ERBB4: variants seen among roughly 807,000 people sequenced by gnomAD.
ERBB4 encodes receptor tyrosine-protein kinase erbB-4.
ERBB4 carries 42 observed loss-of-function variants against 158.0 expected under a neutral mutation model. That is an observed-to-expected ratio of 0.27 (90% CI 0.21 to 0.34). The LOEUF is 0.34. Ranked by LOEUF, ERBB4 falls within the 10% of genes least tolerant of loss-of-function variation. The pLI is 1.00. For synonymous variants in ERBB4, 583 were observed against 558.7 expected, an observed-to-expected ratio of 1.04 and a Z score of -0.61; for missense variants, 1,333 against 1,624.1, an observed-to-expected ratio of 0.82 and a Z score of 3.08.
intron 1 of ERBB4, among the ~76,000 whole-genome samples, chr2:212,312,239 T>C (rs2087078247): frequency 6.6e-6 from 1 of 150,974 alleles, no homozygotes; most frequent in South Asian, 2.1e-4. Flanking sequence ...TTGGTGAAAC[T>C]GGGGAATTCC....
chr2:211,841,120 G>T (rs1372214818), intron 3 of ERBB4, among the ~76,000 whole-genome samples: 1 of 151,892 alleles, frequency 6.6e-6, no homozygotes, highest in Non-Finnish European at 1.5e-5. Context: ...ACTTTATGAA[G>T]AAAATTTTAG....
chr2:212,488,489 C>A (rs73067081), intron 1 of ERBB4, among the ~76,000 whole-genome samples: 4,924 of 152,012 alleles, frequency 0.032, 277 homozygotes, highest in African/African-American at 0.11. Context: ...TTCACTAATG[C>A]CTGGGAATAG....
At chr2:211,516,634 C>A (rs1223662600) in intron 20 of ERBB4, among the ~76,000 whole-genome samples, 1 of 152,106 alleles carries the variant, frequency 6.6e-6, no homozygotes, top group African/African-American at 2.4e-5. Flanking sequence ...TGCGCCCAAC[C>A]TGTTATGACT....
chr2:211,681,298 A>G (rs1251572854), intron 12 of ERBB4, among the ~76,000 whole-genome samples: 1 of 152,200 alleles, frequency 6.6e-6, no homozygotes, highest in Non-Finnish European at 1.5e-5. Context: ...TGTTAAAAAT[A>G]GTAGTAGTAG....
chr2:211,672,271 G>A (rs1461847149), intron 14 of ERBB4, among the ~76,000 whole-genome samples: 4 of 152,200 alleles, frequency 2.6e-5, no homozygotes, highest in African/African-American at 9.6e-5. Context: ...TCAAATGTTG[G>A]TCTCAAATTA....
intron 3 of ERBB4, among the ~76,000 whole-genome samples, chr2:211,934,945 C>T (rs1258820715): frequency 2.1e-5 from 1 of 48,412 alleles, no homozygotes; most frequent in Admixed American, 1.8e-4. Flanking sequence ...AAAAAAACTG[C>T]CTTGAAGAGG....
chr2:211,825,980 T>A (rs552030211), intron 3 of ERBB4, among the ~76,000 whole-genome samples: 13 of 150,634 alleles, frequency 8.6e-5, no homozygotes, highest in African/African-American at 3.1e-4. Flanking sequence ...AACTTCCAAG[T>A]TAGACTAACA....
chr2:212,072,425 T>C (rs1359649670), intron 2 of ERBB4, among the ~76,000 whole-genome samples: 1 of 151,916 alleles, frequency 6.6e-6, no homozygotes, highest in Non-Finnish European at 1.5e-5. Flanking sequence ...TAAAATTTAA[T>C]CTCTCTGCAT....
intron 1 of ERBB4, among the ~76,000 whole-genome samples, chr2:212,286,693 C>G (rs1268717491): frequency 7.0e-6 from 1 of 141,934 alleles, no homozygotes; most frequent in Non-Finnish European, 1.5e-5. Context: ...CCTTGACCTC[C>G]TGAGTTCACA....
At chr2:211,585,762 C>A (rs1363166301) in intron 19 of ERBB4, among the ~76,000 whole-genome samples, 1 of 151,912 alleles carries the variant, frequency 6.6e-6, no homozygotes. Context: ...GCATAGGTAC[C>A]TATTATTCAG....
intron 2 of ERBB4, among the ~76,000 whole-genome samples, chr2:212,054,451 A>G (rs2125403667): frequency 6.6e-6 from 1 of 152,330 alleles, no homozygotes; most frequent in South Asian, 2.1e-4. Context: ...GAGTGGAAAA[A>G]GCTACCAGCA....
chr2:211,732,912 G>A (rs1310080043), intron 5 of ERBB4, among the ~76,000 whole-genome samples: 1 of 152,176 alleles, frequency 6.6e-6, no homozygotes, highest in Non-Finnish European at 1.5e-5. Context: ...GGGAGGCGGA[G>A]GTTGCAGTGA....
At chr2:211,659,995 G>C (rs2071358572) in intron 15 of ERBB4, among the ~76,000 whole-genome samples, 1 of 152,166 alleles carries the variant, frequency 6.6e-6, no homozygotes, top group South Asian at 2.1e-4. Flanking sequence ...GGTTGGGGTG[G>C]CGGTGGCTTC....
rs181995636 is a variant in ERBB4, at chr2:212,139,294, C to A, written c.83-14391G>T. ...TAAGAGCAATATTTAAAACAACACA[C>A]ACACACACGCACATGTGCACATACA... On this transcript the variant is annotated intron_variant, in intron 1 of 27. Transcript: ENST00000342788. Among the ~76,000 whole-genome samples the A allele has an allele frequency of 9.6e-3, 1,459 of 152,146 alleles. 25 individuals carry two copies. The highest frequency in any genetic ancestry group is 0.032 in the African/African-American group (1,332 of 41,544).
At chr2:212,013,759 C>T (rs149475040) in intron 2 of ERBB4, among the ~76,000 whole-genome samples, 276 of 152,268 alleles carry the variant, frequency 1.8e-3, no homozygotes, top group African/African-American at 5.8e-3. Flanking sequence ...TTTTTCCAAG[C>T]AATCCTCCTG....
At chr2:211,498,658 C>A (rs1002580984) in intron 20 of ERBB4, among the ~76,000 whole-genome samples, 9 of 152,136 alleles carry the variant, frequency 5.9e-5, no homozygotes, top group South Asian at 4.1e-4. Context: ...CATCAAAGAG[C>A]TTTTCTCATA....
chr2:212,373,134 T>C (rs928888939), intron 1 of ERBB4, among the ~76,000 whole-genome samples: 1 of 152,180 alleles, frequency 6.6e-6, no homozygotes, highest in African/African-American at 2.4e-5. Flanking sequence ...TATCTCAGAT[T>C]CTCTGTAAAT....
chr2:212,065,022 TGTGTGTTGTG>T (rs1350369666), intron 2 of ERBB4, among the ~76,000 whole-genome samples: 4 of 147,450 alleles, frequency 2.7e-5, no homozygotes, highest in African/African-American at 1.0e-4. Flanking sequence ...TGTGTGTGTG[TGTGTGTTGTG>T]TGTGTGTGTG....
chr2:211,596,091 C>A (rs2068622015), intron 19 of ERBB4, among the ~76,000 whole-genome samples: 1 of 152,034 alleles, frequency 6.6e-6, no homozygotes, highest in African/African-American at 2.4e-5. Context: ...TAAAGTATAT[C>A]TGAATGAAAT....
Sources: gnomAD v4.1 joint callset for allele counts (sites outside exome capture counted in the v4.1 genomes callset) on GRCh38, gnomAD v4.1.1 for gene constraint, MANE v1.5 for transcripts, NCBI Gene and HGNC (gene_info 2026-07-23, HGNC 2026-07-21) for gene names.